The following INO80D variants were observed in gnomAD, a reference collection of about 807,000 sequenced individuals.
INO80D encodes the protein INO80 complex subunit D.
In INO80D, 21 loss-of-function variants were observed where a neutral mutation model predicts 87.6. The observed-to-expected ratio is 0.24, with a 90% CI of 0.17 to 0.35. The LOEUF (loss-of-function observed/expected upper bound fraction) is 0.35, where lower values mean the gene tolerates loss of function less well. Among genes scored for constraint, INO80D ranks in the 10% least tolerant of loss-of-function variants. The probability of loss-of-function intolerance (pLI) is 1.00; values close to 1 mark genes in which losing one functional copy is unlikely to be tolerated. For synonymous variants in INO80D, 440 were observed against 491.0 expected, an observed-to-expected ratio of 0.90 and a Z score of 1.37; for missense variants, 982 against 1,280.7, an observed-to-expected ratio of 0.77 and a Z score of 3.56.
chr2:206,076,330 T>C (rs933734421), intron 1 of INO80D, among the ~76,000 whole-genome samples: 4 of 152,216 alleles, frequency 2.6e-5, no homozygotes, highest in African/African-American at 9.6e-5. Context: ...ATTTAGAGTA[T>C]CATAAAGTCT....
intron 8 of INO80D, among the ~76,000 whole-genome samples, chr2:206,014,157 CAAAA>C (rs34155962): frequency 0.021 from 2,766 of 128,984 alleles, 74 homozygotes; most frequent in African/African-American, 0.076. Context: ...AACTCCATCT[CAAAA>C]AAAAAAAAAA....
At chr2:206,019,952 A>G in intron 6 of INO80D, 107 bp from the exon 7 acceptor site, 2 of 709,452 alleles carry the variant, frequency 2.8e-6, no homozygotes, top group African/African-American at 1.8e-5. Flanking sequence ...TATAATATAT[A>G]TAACATCTAC....
chr2:206,006,015 T>C (rs1044000507), intron 10 of INO80D, among the ~76,000 whole-genome samples: 5 of 152,150 alleles, frequency 3.3e-5, no homozygotes, highest in Admixed American at 3.3e-4. Flanking sequence ...ACACAGAAAT[T>C]CATACATCTA....
chr2:206,075,177 C>A (rs1299406789), intron 1 of INO80D, among the ~76,000 whole-genome samples: 1 of 151,986 alleles, frequency 6.6e-6, no homozygotes, highest in Non-Finnish European at 1.5e-5. Flanking sequence ...AAGGAAGATA[C>A]ACTTTTAACA....
At chr2:206,026,954 A>T (rs930212732) in intron 6 of INO80D, among the ~76,000 whole-genome samples, 4 of 152,208 alleles carry the variant, frequency 2.6e-5, no homozygotes, top group Non-Finnish European at 5.9e-5. Flanking sequence ...GGAAAACTAG[A>T]AAACTCAAAT....
chr2:206,022,330 G>A (rs1407095929), intron 6 of INO80D, among the ~76,000 whole-genome samples: 2 of 151,960 alleles, frequency 1.3e-5, no homozygotes, highest in African/African-American at 4.8e-5. Flanking sequence ...TCACACCATT[G>A]CACTCCAGCC....
At chr2:206,060,441 G>A (rs1049420394) in intron 3 of INO80D, among the ~76,000 whole-genome samples, 4 of 151,290 alleles carry the variant, frequency 2.6e-5, no homozygotes, top group African/African-American at 9.7e-5. Context: ...GCTGGTGCAG[G>A]AGAATTGCTT....
At chr2:206,039,686 T>C (rs1164977044) in intron 5 of INO80D, among the ~76,000 whole-genome samples, 1 of 150,836 alleles carries the variant, frequency 6.6e-6, no homozygotes, top group African/African-American at 2.4e-5. Context: ...GGCGCATGCC[T>C]GTAATCCCAG....
At chr2:206,059,727 A>G (rs994809141) in intron 3 of INO80D, among the ~76,000 whole-genome samples, 2 of 150,886 alleles carry the variant, frequency 1.3e-5, no homozygotes, top group African/African-American at 2.4e-5. Context: ...TAGCCAGCAA[A>G]GAGAATCTAC....
rs1307098871 is a variant in INO80D, at chr2:206,005,030, C to T, written c.2422G>A (p.Asp808Asn). Reference protein sequence around the residue: ...HPAQLLSKADDLITSRQQYSS... With the variant: ...HPAQLLSKADNLITSRQQYSS... ...TATTGCTGTCGTGAGGTGATTAGGT[C>T]ATCTGCCTTGCTCAGCAGCTGGGCA... Residue 808 changes from aspartate (D) to asparagine (N), a missense_variant, in exon 11 of 11, where the codon GAC (aspartate) becomes AAC (asparagine). Asp to Asn is a conservative substitution (Grantham distance 23, BLOSUM62 1). Coordinates refer to ENST00000403263, the MANE Select transcript of INO80D (RefSeq NM_017759.5). 6.2e-7 allele frequency: 1 copy of T among 1,613,890 alleles called. No homozygotes were observed. The highest frequency in any genetic ancestry group is 2.2e-5 in the East Asian group (1 of 44,878).
At chr2:206,031,297 T>A (rs1037767333) in intron 5 of INO80D, among the ~76,000 whole-genome samples, 2 of 151,778 alleles carry the variant, frequency 1.3e-5, no homozygotes, top group African/African-American at 4.8e-5. Context: ...GCCATTATCA[T>A]AAGTGAACTA....
chr2:206,052,273 C>T (rs550437892), intron 4 of INO80D, among the ~76,000 whole-genome samples: 13 of 152,202 alleles, frequency 8.5e-5, no homozygotes, highest in African/African-American at 2.2e-4. Flanking sequence ...CTGCAACCTC[C>T]GCTTCCCGGG....
At chr2:206,054,607 AG>A (rs199755859) in intron 4 of INO80D, among the ~76,000 whole-genome samples, 11,784 of 151,840 alleles carry the variant, frequency 0.078, 701 homozygotes, top group Admixed American at 0.19. Context: ...TCCACCTCCC[AG>A]GTTCACGCAA....
At chr2:206,046,443 G>A (rs1689195308) in intron 5 of INO80D, 61 bp downstream of exon 5, 19 of 1,150,864 alleles carry the variant, frequency 1.7e-5, no homozygotes, top group Non-Finnish European at 2.3e-5. Flanking sequence ...ACTCCAGCCT[G>A]GGTGACAGAG....
chr2:206,023,976 C>T (rs1011156479), intron 6 of INO80D, among the ~76,000 whole-genome samples: 1 of 152,056 alleles, frequency 6.6e-6, no homozygotes, highest in African/African-American at 2.4e-5. Context: ...CCAAATTTTC[C>T]CAAACTCATT....
chr2:206,028,076 T>A (rs1189779333), intron 6 of INO80D, 35 bp downstream of exon 6: 1 of 1,400,138 alleles, frequency 7.1e-7, no homozygotes, highest in South Asian at 1.3e-5. Context: ...CAAACTGAGA[T>A]GAGTCCCTTA....
Position 206,058,861 on chromosome 2 carries a change from T to G in INO80D, c.219-1918A>C, listed in dbSNP as rs78341228. On this transcript the variant is annotated intron_variant, in intron 3 of 10. Transcript: ENST00000403263. ...ATGTGCAACTACTCAAAGCACTTTG[T>G]GTAACATGCATTATGAAGTTCCAAG... is the stretch of plus-strand genomic sequence containing the variant. Among the ~76,000 whole-genome samples, 857 of 152,300 alleles carry G rather than the reference T, an allele frequency of 5.6e-3. 12 individuals carry two copies. The highest frequency in any genetic ancestry group is 0.01 in the Middle Eastern group (3 of 294).
intron 5 of INO80D, among the ~76,000 whole-genome samples, chr2:206,036,714 T>C (rs2105847796): frequency 6.6e-6 from 1 of 152,082 alleles, no homozygotes; most frequent in Non-Finnish European, 1.5e-5. Flanking sequence ...TATGGAAAAC[T>C]GAAAAAATAA....
chr2:206,025,330 C>T (rs903568074), intron 6 of INO80D, among the ~76,000 whole-genome samples: 1 of 150,934 alleles, frequency 6.6e-6, no homozygotes, highest in Admixed American at 6.6e-5. Flanking sequence ...GAATTCCAGA[C>T]CAGGCTGGCC....
Sources: gnomAD v4.1 joint callset for allele counts (sites outside exome capture counted in the v4.1 genomes callset) on GRCh38, gnomAD v4.1.1 for gene constraint, MANE v1.5 for transcripts, NCBI Gene and HGNC (gene_info 2026-07-23, HGNC 2026-07-21) for gene names.